Variants in NGLY1 observed in about 807,000 individuals in gnomAD.
The protein encoded by NGLY1 is peptide-N(4)-(N-acetyl-beta-glucosaminyl)asparagine amidase.
NGLY1 carries 68 observed loss-of-function variants against 84.6 expected under a neutral mutation model. The ratio of observed to expected loss-of-function variants is 0.80; its 90% CI spans 0.66 to 0.98. The LOEUF (loss-of-function observed/expected upper bound fraction) is 0.98. Ranked by LOEUF, NGLY1 falls within the 50% of genes least tolerant of loss-of-function variation. The pLI is 0.00. For missense variants in NGLY1, 779 were observed against 770.2 expected (o/e 1.01, Z -0.14); for synonymous variants, 280 against 275.2 (o/e 1.02, Z -0.17).
chr3:25,720,122 C>T lies in NGLY1; in HGVS notation c.1681G>A (p.Gly561Ser), dbSNP rs199719904. 6.2e-7 allele frequency: 1 copy of T among 1,613,694 alleles called. No homozygotes were observed. The highest frequency in any genetic ancestry group is 1.7e-5 in the Admixed American group (1 of 60,004). ...ISWKFECGSVGLKVDSISIRT... is the reference protein window; with the variant it reads ...ISWKFECGSVSLKVDSISIRT... Reference sequence around the variant, plus strand: ...ATAGAAATGCTATCTACTTTTAGGCCAACTGACCCACACTCAAACTTCCAG... The same window carrying T: ...ATAGAAATGCTATCTACTTTTAGGCTAACTGACCCACACTCAAACTTCCAG... The change falls in exon 11 of 12, where the codon GGC (glycine) becomes AGC (serine). Residue 561 changes from glycine to serine, a missense_variant. Gly to Ser is a moderately conservative substitution (Grantham distance 56). Transcript: ENST00000280700.
chr3:25,728,622 T>C (rs1363184073), intron 10 of NGLY1, among the ~76,000 whole-genome samples: 1 of 152,094 alleles, frequency 6.6e-6, no homozygotes, highest in Non-Finnish European at 1.5e-5. Flanking sequence ...TTTTTTAAGA[T>C]ACAGAGAAGA....
At position 25,748,350 on chromosome 3, in the gene NGLY1, T is replaced by C. The variant is rs375062953; in HGVS notation, c.658+2748A>G. Among the ~76,000 whole-genome samples the C allele has an allele frequency of 2.2e-4, 34 of 152,236 alleles. No individual in the cohort carries two copies. In the South Asian group the frequency reaches 7.1e-3, roughly 32 times the overall value. On this transcript the variant is annotated intron_variant, in intron 4 of 11. Coordinates refer to ENST00000280700, the MANE Select transcript of NGLY1 (RefSeq NM_018297.4). ...AAATGCAGACTCTAATGAGGAGTTC[T>C]TAGGGAAGCCTAAAGACAATGGGGG...
chr3:25,736,275 A>C, intron 6 of NGLY1, 126 bp from the exon 7 acceptor site: 1 of 1,550,632 alleles, frequency 6.4e-7, no homozygotes. Flanking sequence ...TCAGTTAATA[A>C]GTGCATTTTG....
chr3:25,779,430 T>C (rs1397328877), intron 1 of NGLY1, among the ~76,000 whole-genome samples: 2 of 152,228 alleles, frequency 1.3e-5, no homozygotes, highest in Admixed American at 6.5e-5. Flanking sequence ...GTTAAGCTAA[T>C]CATAGTATTA....
intron 9 of NGLY1, among the ~76,000 whole-genome samples, chr3:25,731,374 T>G (rs1705528726): frequency 6.6e-6 from 1 of 151,990 alleles, no homozygotes; most frequent in Non-Finnish European, 1.5e-5. Context: ...CCATAATTAG[T>G]CATCACCAAA....
In NGLY1 at chr3:25,764,666, T is replaced by C. The variant is rs796439237; in HGVS notation, c.247-355A>G. The stretch of plus-strand genomic sequence containing the variant: ...TATTCCTATCCTCTCTGCAATAGTA[T>C]ATGATACTACTATTCTCTATGAAAT... On this transcript the variant is annotated intron_variant, in intron 2 of 11. Coordinates refer to ENST00000280700, the MANE Select transcript of NGLY1 (RefSeq NM_018297.4). Among the ~76,000 whole-genome samples, 7 of 151,452 alleles carry C rather than the reference T, an allele frequency of 4.6e-5. 1 individual carries two copies. Among genetic ancestry groups the C allele is most frequent in the African/African-American group, 1.7e-4 (7 of 41,494 alleles).
chr3:25,759,984 T>C (rs1266599535), intron 3 of NGLY1, among the ~76,000 whole-genome samples: 3 of 151,976 alleles, frequency 2.0e-5, no homozygotes, highest in South Asian at 4.1e-4. Flanking sequence ...CTCTTTAATT[T>C]TATGCAACCC....
At chr3:25,761,783 T>C (rs187459904) in intron 3 of NGLY1, among the ~76,000 whole-genome samples, 341 of 152,300 alleles carry the variant, frequency 2.2e-3, no homozygotes, top group Admixed American at 4.1e-3. Flanking sequence ...TTATTCATAA[T>C]AGGCAAACAT....
Position 25,749,764 on chromosome 3 carries a change from C to G in NGLY1, c.658+1334G>C, listed in dbSNP as rs918763376. ...AGCTTGAAGTGCTGCTGATGTGCAA[C>G]AAAACTTACTGTGCTGAGATTGCTC... On this transcript the variant is annotated intron_variant, in intron 4 of 11. Transcript: ENST00000280700. 4 of 1,453,400 alleles carry G rather than the reference C, an allele frequency of 2.8e-6. No individual in the cohort carries two copies. In the Admixed American group the frequency reaches 5.0e-5, roughly 18 times the overall value. 90.0% of individuals were successfully genotyped at this position (1,453,400 alleles called of 1,614,324 possible).
intron 2 of NGLY1, among the ~76,000 whole-genome samples, chr3:25,775,053 G>A (rs959135305): frequency 2.0e-5 from 3 of 152,180 alleles, no homozygotes; most frequent in South Asian, 2.1e-4. Flanking sequence ...CCCTTCTCCC[G>A]TGATCTGGAT....
At chr3:25,775,088 C>A (rs1187682981) in intron 2 of NGLY1, among the ~76,000 whole-genome samples, 1 of 152,202 alleles carries the variant, frequency 6.6e-6, no homozygotes, top group Non-Finnish European at 1.5e-5. Flanking sequence ...GTGGACTTTC[C>A]CCGTCACACT....
At chr3:25,773,479 T>A (rs1055540078) in intron 2 of NGLY1, among the ~76,000 whole-genome samples, 1 of 152,212 alleles carries the variant, frequency 6.6e-6, no homozygotes, top group African/African-American at 2.4e-5. Flanking sequence ...AAGTTGTAAT[T>A]GTTTTTTATT....
chr3:25,738,955 CTTAGT>C (rs968062352), intron 5 of NGLY1, among the ~76,000 whole-genome samples: 10 of 151,858 alleles, frequency 6.6e-5, no homozygotes, highest in African/African-American at 2.2e-4. Flanking sequence ...TTAAAATGTC[CTTAGT>C]TTAAAATTTA....
At chr3:25,725,948 T>C (rs1293713702) in intron 10 of NGLY1, among the ~76,000 whole-genome samples, 1 of 152,232 alleles carries the variant, frequency 6.6e-6, no homozygotes, top group Non-Finnish European at 1.5e-5. Flanking sequence ...TACCAGCTGA[T>C]ACGCACCTTG....
At chr3:25,787,259 G>C (rs1006312512), upstream of NGLY1, among the ~76,000 whole-genome samples, 7 of 152,098 alleles carry the variant, frequency 4.6e-5, no homozygotes, top group African/African-American at 1.7e-4. Context: ...GAGAGGACTT[G>C]CTACCTGTGA....
intron 4 of NGLY1, among the ~76,000 whole-genome samples, chr3:25,746,164 T>C (rs555718715): frequency 1.3e-5 from 2 of 152,314 alleles, no homozygotes; most frequent in East Asian, 3.9e-4. Context: ...ACAGTCTAAC[T>C]GTATTATTCA....
intron 9 of NGLY1, chr3:25,730,380 C>T (rs1350428504): frequency 1.3e-5 from 2 of 151,894 alleles, no homozygotes; most frequent in Non-Finnish European, 2.9e-5. Flanking sequence ...AAAATGGTCT[C>T]CAGCAATTAA....
rs1286607585 is a variant in NGLY1 at position 25,721,728 on chromosome 3, G to A, written c.1612-1537C>T. Among the ~76,000 whole-genome samples, 11 of 119,148 alleles carry A rather than the reference G, an allele frequency of 9.2e-5. No individual in the cohort carries two copies. The South Asian group carries it at 2.4e-3, about 26-fold the overall frequency. The allele number at this position is 119,148 out of a possible 152,430, so 78.2% of individuals were successfully genotyped here. A position where few individuals can be genotyped will look rare whatever the true frequency, so the allele number is the denominator to read the frequency against. On this transcript the variant is annotated intron_variant, in intron 10 of 11. Coordinates refer to ENST00000280700, the MANE Select transcript of NGLY1 (RefSeq NM_018297.4). ...TGCGCCATTGCACTCCAGCCTGGGC[G>A]ACAGAGCAAGACTCCATCTCAAAAA...
upstream of NGLY1, among the ~76,000 whole-genome samples, chr3:25,788,247 T>C (rs187020832): frequency 1.3e-5 from 2 of 152,280 alleles, no homozygotes; most frequent in East Asian, 3.9e-4. Context: ...AAGACATGTA[T>C]AGTGAGAAAA....
Sources: gnomAD v4.1 joint callset for allele counts (sites outside exome capture counted in the v4.1 genomes callset) on GRCh38, gnomAD v4.1.1 for gene constraint, MANE v1.5 for transcripts, NCBI Gene and HGNC (gene_info 2026-07-23, HGNC 2026-07-21) for gene names.